The following COL14A1 variants were observed in gnomAD, a reference collection of about 807,000 sequenced individuals.
COL14A1 encodes the protein collagen alpha-1(XIV) chain.
In COL14A1, 136 loss-of-function variants were observed where a neutral mutation model predicts 230.3. The ratio of observed to expected loss-of-function variants is 0.59; its 90% confidence interval spans 0.51 to 0.68. The LOEUF (loss-of-function observed/expected upper bound fraction) is 0.68, where lower values mean the gene tolerates loss of function less well. COL14A1 is among the 30% of genes least tolerant of loss of function. The pLI, the probability that COL14A1 is intolerant of heterozygous loss-of-function variation, is 0.00. For missense variants in COL14A1, 1,976 were observed against 2,215.8 expected (o/e 0.89, Z 2.17); for synonymous variants, 792 against 784.1 (o/e 1.01, Z -0.17).
At chr8:120,128,141 C>A (rs1157871683) in intron 1 of COL14A1, among the ~76,000 whole-genome samples, 8 of 151,970 alleles carry the variant, frequency 5.3e-5, no homozygotes, top group African/African-American at 1.9e-4. Context: ...TGGCAGGGAT[C>A]CAGTTACTTT....
At chr8:120,292,621 T>G (rs1231395930) in intron 34 of COL14A1, among the ~76,000 whole-genome samples, 1 of 152,140 alleles carries the variant, frequency 6.6e-6, no homozygotes, top group Admixed American at 6.6e-5. Context: ...AATCACAGAC[T>G]GCCAATCTAA....
At chr8:120,345,307 A>G (rs955777035) in intron 44 of COL14A1, 68 bp from the exon 45 acceptor site, 2 of 1,409,036 alleles carry the variant, frequency 1.4e-6, no homozygotes, top group Non-Finnish European at 1.9e-6. Context: ...TTAACAAATG[A>G]CACCCCTGGT....
rs749638663 is a variant in COL14A1 at position 120,225,112 on chromosome 8, T to A, written c.1762T>A (p.Phe588Ile). 6.2e-7 allele frequency: 1 copy of A among 1,612,182 alleles called. No homozygotes were observed. Among genetic ancestry groups the A allele is most frequent in the Non-Finnish European group, 8.5e-7 (1 of 1,179,522 alleles). Reference sequence around the variant, plus strand: ...GGTTGAAGTCGATCCTATTACTACCTTCCCTCTGAAGGGCTTGACACCTCT... The same window carrying A: ...GGTTGAAGTCGATCCTATTACTACCATCCCTCTGAAGGGCTTGACACCTCT... ...NEVEVDPITT[F>I]PLKGLTPLTE... The change falls in exon 15 of 48, where the codon TTC becomes ATC. Residue 588 changes from phenylalanine to isoleucine, a missense_variant. Coordinates refer to ENST00000297848, the MANE Select transcript of COL14A1 (RefSeq NM_021110.4).
At chr8:120,332,295 C>T (rs1182281052) in intron 41 of COL14A1, 101 bp downstream of exon 41, 2 of 1,126,968 alleles carry the variant, frequency 1.8e-6, no homozygotes, top group East Asian at 2.4e-5. Context: ...CAGCCGTCTT[C>T]ACTATAGTGT....
intron 9 of COL14A1, among the ~76,000 whole-genome samples, chr8:120,205,970 C>T (rs1192142475): frequency 2.0e-5 from 3 of 152,174 alleles, no homozygotes; most frequent in African/African-American, 7.2e-5. Flanking sequence ...GAATCATTTG[C>T]TTTAACATGT....
At chr8:120,370,388 G>T (rs775193079) in intron 47 of COL14A1, 1 of 1,610,872 alleles carries the variant, frequency 6.2e-7, no homozygotes, top group East Asian at 2.2e-5. Flanking sequence ...CTCCACTCTG[G>T]TTCCATTGGC....
intron 5 of COL14A1, among the ~76,000 whole-genome samples, chr8:120,192,469 GC>G (rs1254723209): frequency 1.3e-5 from 2 of 152,096 alleles, no homozygotes; most frequent in Admixed American, 1.3e-4. Context: ...CTCTCTGGCT[GC>G]CCTTAACATT....
At chr8:120,205,449 G>A (rs914226533) in intron 9 of COL14A1, among the ~76,000 whole-genome samples, 1 of 152,116 alleles carries the variant, frequency 6.6e-6, no homozygotes, top group African/African-American at 2.4e-5. Context: ...ATAGAGTAAA[G>A]CACTTACTTT....
chr8:120,287,463 G>A (rs1311973342), intron 33 of COL14A1, among the ~76,000 whole-genome samples: 1 of 152,244 alleles, frequency 6.6e-6, no homozygotes, highest in Non-Finnish European at 1.5e-5. Flanking sequence ...GATGAAAAGC[G>A]TTTGAGATTT....
chr8:120,345,443 C>T lies in COL14A1; in HGVS notation c.4957C>T (p.Gln1653Ter). ...CCACTCCTCATCCATCCGGACTGTC[C>T]AAGGGCCTCCTGGGGAGCCTGGGAG... ...PSHSSSIRTV[Q>*]GPPGEPGRPG... is the part of the protein sequence containing the mutation. The change falls in exon 45 of 48, where the codon CAA (glutamine) becomes TAA (stop). Residue 1653 changes from glutamine to a stop codon, truncating the protein, a stop_gained. Transcript: ENST00000297848. LOFTEE classifies it high-confidence loss of function. 8 of 1,604,180 alleles carry T rather than the reference C, an allele frequency of 5.0e-6. No homozygotes were observed. The highest frequency in any genetic ancestry group is 6.8e-6 in the Non-Finnish European group (8 of 1,175,430).
At chr8:120,317,972 A>G (rs1480188654) in intron 40 of COL14A1, among the ~76,000 whole-genome samples, 11 of 152,180 alleles carry the variant, frequency 7.2e-5, no homozygotes, top group Admixed American at 7.2e-4. Flanking sequence ...ATTTCTGAGG[A>G]TACTCATTCT....
intron 24 of COL14A1, among the ~76,000 whole-genome samples, chr8:120,265,925 G>A (rs142866895): frequency 1.3e-5 from 2 of 152,110 alleles, no homozygotes; most frequent in African/African-American, 4.8e-5. Flanking sequence ...TAGTCAGTCT[G>A]CCTGAGCTCA....
rs13262393 is a variant in COL14A1, at chr8:120,225,904, T to C, written c.1864+690T>C. On this transcript the variant is annotated intron_variant, in intron 15 of 47. Transcript: ENST00000297848. ...AAGCTGGATTGAGAAATAATGTTTG[T>C]GGAAAAATTCAGTAATTTAACCAAA... Among the ~76,000 whole-genome samples, 433 of 152,086 alleles carry C rather than the reference T, an allele frequency of 2.8e-3. 5 individuals are homozygous for C. Among genetic ancestry groups the C allele is most frequent in the African/African-American group, 9.6e-3 (399 of 41,518 alleles).
rs151078236 is a variant in COL14A1, at chr8:120,310,699, A to G, written c.4455+637A>G. 8.1e-3 allele frequency among the ~76,000 whole-genome samples: 1,229 copies of G among 152,322 alleles called. 19 individuals are homozygous for G. Among genetic ancestry groups the G allele is most frequent in the African/African-American group, 0.027 (1,138 of 41,580 alleles). ...ACCATCTTCTCTCCAGCTCTTGGCA[A>G]ATCTTCTAACTGGTCTTCTGTCCCA... On this transcript the variant is annotated intron_variant, in intron 37 of 47. Transcript: ENST00000297848.
intron 10 of COL14A1, among the ~76,000 whole-genome samples, chr8:120,207,498 G>A (rs1196827668): frequency 6.6e-6 from 1 of 152,140 alleles, no homozygotes; most frequent in Non-Finnish European, 1.5e-5. Context: ...GGTCATATAT[G>A]GACTAGTCCT....
Position 120,207,060 on chromosome 8 carries a change from T to G in COL14A1, c.1157T>G (p.Val386Gly), listed in dbSNP as rs1359550609. Residue 386 changes from valine (V) to glycine (G), a missense_variant, in exon 10 of 48, where the codon GTG becomes GGG. Around this residue, in one of 3 missense-constraint regions of COL14A1, gnomAD observed 1,791 missense variants for 2,019.5 expected, o/e 0.89. Transcript: ENST00000297848. The part of the protein sequence containing the change: ...APGNVEKYRV[V>G]YYPTRGGKPD... ...GGAAATGTGGAAAAATACAGAGTTG[T>G]GTATTATCCTACCAGGGGTGGAAAA... 1 of 1,613,578 alleles carries G rather than the reference T, an allele frequency of 6.2e-7. No homozygotes were observed. Among genetic ancestry groups the G allele is most frequent in the South Asian group, 1.1e-5 (1 of 90,896 alleles).
At chr8:120,133,528 A>T (rs529951963) in intron 1 of COL14A1, among the ~76,000 whole-genome samples, 1 of 152,198 alleles carries the variant, frequency 6.6e-6, no homozygotes, top group Non-Finnish European at 1.5e-5. Context: ...GTTAAGAGAA[A>T]AAAGTTAGAG....
intron 31 of COL14A1, among the ~76,000 whole-genome samples, chr8:120,281,796 G>A (rs1820049988): frequency 6.6e-6 from 1 of 152,168 alleles, no homozygotes; most frequent in Non-Finnish European, 1.5e-5. Flanking sequence ...TCAAGCTCCA[G>A]TGCTCAGATC....
chr8:120,231,451 G>C lies in COL14A1; in HGVS notation c.2198-16G>C, dbSNP rs748394427. On this transcript the variant is annotated splice_polypyrimidine_tract_variant and intron_variant, in intron 18 of 47. Transcript: ENST00000297848. Reference sequence around the variant, plus strand: ...TATGTTAAAAGTTTTTTAATCCTTGGTTGTGTTTATTCCAGTTTTCCAGAC... The same window carrying C: ...TATGTTAAAAGTTTTTTAATCCTTGCTTGTGTTTATTCCAGTTTTCCAGAC... The C allele has an allele frequency of 5.0e-6, 8 of 1,611,848 alleles. No homozygotes were observed. In the East Asian group the frequency reaches 1.8e-4, roughly 36 times the overall value.
Sources: gnomAD v4.1 joint callset for allele counts (sites outside exome capture counted in the v4.1 genomes callset) on GRCh38, gnomAD v4.1.1 for gene constraint, gnomAD v4.1.1 regional missense constraint, MANE v1.5 for transcripts, NCBI Gene and HGNC (gene_info 2026-07-23, HGNC 2026-07-21) for gene names.